Variants in BATF observed in about 807,000 individuals in gnomAD.
BATF encodes basic leucine zipper ATF-like transcription factor.
In BATF, 5 loss-of-function variants were observed where a neutral mutation model predicts 13.7. That is an observed-to-expected ratio of 0.36 (90% CI 0.19 to 0.77). BATF has a LOEUF of 0.77. Among genes scored for constraint, BATF ranks in the 30% least tolerant of loss-of-function variants. The pLI is 0.51. For missense variants in BATF, 124 were observed against 163.0 expected (o/e 0.76, Z 1.30); for synonymous variants, 72 against 67.5 (o/e 1.07, Z -0.33).
At chr14:75,531,453 G>A (rs1396294351) in intron 2 of BATF, among the ~76,000 whole-genome samples, 1 of 152,226 alleles carries the variant, frequency 6.6e-6, no homozygotes, top group Admixed American at 6.5e-5. Context: ...GAGCCGAGCT[G>A]TTGACAAGTC....
chr14:75,539,586 C>T (rs555131810), intron 2 of BATF, among the ~76,000 whole-genome samples: 2 of 152,040 alleles, frequency 1.3e-5, no homozygotes, highest in African/African-American at 4.8e-5. Flanking sequence ...AAGGACCAGG[C>T]GATAGCCTTT....
At chr14:75,530,485 A>T (rs1469652956) in intron 2 of BATF, among the ~76,000 whole-genome samples, 1 of 152,240 alleles carries the variant, frequency 6.6e-6, no homozygotes, top group African/African-American at 2.4e-5. Flanking sequence ...AAGCTAAAAA[A>T]ATCCACCAAT....
At chr14:75,525,471 T>A (rs1413103138) in intron 2 of BATF, among the ~76,000 whole-genome samples, 1 of 151,972 alleles carries the variant, frequency 6.6e-6, no homozygotes, top group Non-Finnish European at 1.5e-5. Context: ...GAGACCAGCC[T>A]GGCCAACATG....
intron 2 of BATF, among the ~76,000 whole-genome samples, chr14:75,540,355 A>T (rs957352332): frequency 6.6e-6 from 1 of 152,158 alleles, no homozygotes; most frequent in Non-Finnish European, 1.5e-5. Context: ...CCACGCCCCC[A>T]GGAAGCCTCT....
chr14:75,524,126 G>A (rs1294156541), intron 1 of BATF, among the ~76,000 whole-genome samples: 4 of 152,106 alleles, frequency 2.6e-5, no homozygotes, highest in Non-Finnish European at 4.4e-5. Context: ...AAGGGAACAG[G>A]GCATGAGTTG....
intron 2 of BATF, among the ~76,000 whole-genome samples, chr14:75,540,113 G>A (rs2140041243): frequency 6.6e-6 from 1 of 152,220 alleles, no homozygotes; most frequent in South Asian, 2.1e-4. Context: ...AAAATGCAAG[G>A]AGAAGGCCAA....
At chr14:75,537,243 A>G (rs1250400745) in intron 2 of BATF, among the ~76,000 whole-genome samples, 1 of 152,166 alleles carries the variant, frequency 6.6e-6, no homozygotes, top group Non-Finnish European at 1.5e-5. Context: ...GAATAAACAG[A>G]GGTTTGACCT....
chr14:75,534,989 A>T (rs181831387), intron 2 of BATF, among the ~76,000 whole-genome samples: 29 of 152,370 alleles, frequency 1.9e-4, no homozygotes, highest in African/African-American at 7.0e-4. Flanking sequence ...TAAATTGTGG[A>T]TAATCAATTT....
At chr14:75,527,808 C>T (rs1344813105) in intron 2 of BATF, among the ~76,000 whole-genome samples, 1 of 152,236 alleles carries the variant, frequency 6.6e-6, no homozygotes, top group East Asian at 1.9e-4. Context: ...TCCTCCTCCA[C>T]TGCTTTCTTT....
chr14:75,534,871 G>A (rs1346958169), intron 2 of BATF, among the ~76,000 whole-genome samples: 1 of 152,144 alleles, frequency 6.6e-6, no homozygotes, highest in East Asian at 1.9e-4. Flanking sequence ...GGAAATCACT[G>A]AACAGAGACA....
At chr14:75,523,433 G>C (rs1887606236) in intron 1 of BATF, among the ~76,000 whole-genome samples, 1 of 152,176 alleles carries the variant, frequency 6.6e-6, no homozygotes, top group Non-Finnish European at 1.5e-5. Context: ...GAAGACATTT[G>C]CTGGTAGTTC....
At chr14:75,535,807 A>G (rs889370693) in intron 2 of BATF, among the ~76,000 whole-genome samples, 2 of 152,232 alleles carry the variant, frequency 1.3e-5, no homozygotes, top group Non-Finnish European at 2.9e-5. Flanking sequence ...CAGAAGTGAT[A>G]AAGTTCAGAG....
intron 2 of BATF, among the ~76,000 whole-genome samples, chr14:75,533,843 T>G (rs1274795089): frequency 6.6e-6 from 1 of 152,178 alleles, no homozygotes; most frequent in African/African-American, 2.4e-5. Flanking sequence ...CTTGCCACAT[T>G]TCCAATGAGG....
In BATF at chr14:75,531,920, C is replaced by T. The variant is rs142423090; in HGVS notation, c.168+6732C>T. On this transcript the variant is annotated intron_variant, in intron 2 of 2. Transcript: ENST00000286639. Reference sequence around the variant, plus strand: ...CAGGTCAGGAATGTTCAGGCTAGTTCCACCCTTAAAAAGTTCAATGTAGAA... The same window carrying T: ...CAGGTCAGGAATGTTCAGGCTAGTTTCACCCTTAAAAAGTTCAATGTAGAA... Among the ~76,000 whole-genome samples, 12 of 152,182 alleles carry T rather than the reference C, an allele frequency of 7.9e-5. No homozygotes were observed. In the East Asian group the frequency reaches 1.7e-3, roughly 22 times the overall value.
At chr14:75,541,675 G>GT (rs1485837753) in intron 2 of BATF, among the ~76,000 whole-genome samples, 2 of 152,154 alleles carry the variant, frequency 1.3e-5, no homozygotes, top group South Asian at 2.1e-4. Flanking sequence ...GTTTTGTTTT[G>GT]TTTTTTGAGA....
chr14:75,530,112 C>G (rs1566766685), intron 2 of BATF, among the ~76,000 whole-genome samples: 1 of 148,898 alleles, frequency 6.7e-6, no homozygotes, highest in African/African-American at 2.5e-5. Context: ...TATGAATAGG[C>G]AATTTACAGA....
intron 2 of BATF, among the ~76,000 whole-genome samples, chr14:75,525,686 C>T (rs932062291): frequency 1.3e-5 from 2 of 149,360 alleles, no homozygotes; most frequent in African/African-American, 5.0e-5. Context: ...AAATAGAAGG[C>T]TCTGTAGCAG....
At chr14:75,538,186 C>T (rs759308190) in intron 2 of BATF, among the ~76,000 whole-genome samples, 2 of 152,070 alleles carry the variant, frequency 1.3e-5, no homozygotes, top group East Asian at 1.9e-4. Context: ...CTCAAACTTC[C>T]GGGCTCAAAT....
At chr14:75,528,715 A>G (rs1887688036) in intron 2 of BATF, among the ~76,000 whole-genome samples, 1 of 152,244 alleles carries the variant, frequency 6.6e-6, no homozygotes, top group African/African-American at 2.4e-5. Context: ...TAACTTGACC[A>G]GTTAGTTTCT....
Sources: gnomAD v4.1 joint callset for allele counts (sites outside exome capture counted in the v4.1 genomes callset) on GRCh38, gnomAD v4.1.1 for gene constraint, MANE v1.5 for transcripts, NCBI Gene and HGNC (gene_info 2026-07-23, HGNC 2026-07-21) for gene names.